APBA1: variants seen among roughly 807,000 people sequenced by gnomAD.
APBA1 encodes the protein amyloid beta precursor protein binding family A member 1.
A neutral mutation model predicts 86.6 loss-of-function variants in APBA1; 55 were observed. The observed-to-expected ratio is 0.64, with a 90% CI of 0.51 to 0.80. The LOEUF (loss-of-function observed/expected upper bound fraction) is 0.80, where lower values mean the gene tolerates loss of function less well. Ranked by LOEUF, APBA1 falls within the 30% of genes least tolerant of loss-of-function variation. APBA1 has a pLI of 0.00. For missense variants in APBA1, 1,090 were observed against 1,183.0 expected (o/e 0.92, Z 1.15); for synonymous variants, 511 against 493.9 (o/e 1.03, Z -0.46).
intron 11 of APBA1, among the ~76,000 whole-genome samples, chr9:69,440,013 C>A (rs2133792072): frequency 1.3e-5 from 2 of 152,322 alleles, no homozygotes; most frequent in South Asian, 4.1e-4. Context: ...TCAGGACCCT[C>A]AGCTGCAGGT....
At position 69,431,373 on chromosome 9, in the gene APBA1, G is replaced by A. The variant is rs1476460860; in HGVS notation, c.2468C>T (p.Ala823Val). The part of the protein sequence containing the change: ...GEIHMKTMPA[A>V]MYRLLTAQEQ... ...CTGGGCCGTCAGCAGCCTGTACATCGCGGCTGGCATTGTCTTCATATGAAT... is the reference window on the plus strand; with the variant it reads ...CTGGGCCGTCAGCAGCCTGTACATCACGGCTGGCATTGTCTTCATATGAAT... Residue 823 changes from alanine (A) to valine (V), a missense_variant, in exon 13 of 13, where the codon GCG becomes GTG. Ala to Val is a moderately conservative substitution (Grantham distance 64, BLOSUM62 0). Coordinates refer to ENST00000265381, the MANE Select transcript of APBA1 (RefSeq NM_001163.4). 10 of 1,613,214 alleles carry A rather than the reference G, an allele frequency of 6.2e-6. No individual in the cohort carries two copies. Among genetic ancestry groups the A allele is most frequent in the South Asian group, 2.2e-5 (2 of 90,938 alleles).
At chr9:69,664,475 A>T (rs1439577438) in intron 1 of APBA1, among the ~76,000 whole-genome samples, 2 of 152,378 alleles carry the variant, frequency 1.3e-5, no homozygotes. Context: ...AAAAAGTTAG[A>T]TAGAAATGAA....
rs1379473279 is a variant in APBA1, at chr9:69,431,031, A to AC, written c.*295dup. 4 of 305,778 alleles carry AC rather than the reference A, an allele frequency of 1.3e-5. No individual in the cohort carries two copies. Among genetic ancestry groups the AC allele is most frequent in the Admixed American group, 1.1e-4 (2 of 18,664 alleles). 18.9% of individuals were successfully genotyped at this position (305,778 alleles called of 1,614,324 possible). A position where few individuals can be genotyped will look rare whatever the true frequency, so the allele number is the denominator to read the frequency against. On this transcript the variant is annotated 3_prime_UTR_variant, in exon 13 of 13. Transcript: ENST00000265381. ...ATTCTCCCTCAAGCAGTGACAGCCC[A>AC]CCCCCTGGACACACCCAGAAAGCCC...
chr9:69,495,236 G>A (rs774610020), intron 2 of APBA1, among the ~76,000 whole-genome samples: 2 of 152,010 alleles, frequency 1.3e-5, no homozygotes, highest in African/African-American at 2.4e-5. Context: ...AACTCCTACC[G>A]TCAAGGGAAA....
At chr9:69,525,737 G>A (rs557953269) in intron 1 of APBA1, among the ~76,000 whole-genome samples, 2 of 152,090 alleles carry the variant, frequency 1.3e-5, no homozygotes, top group Admixed American at 6.6e-5. Context: ...AAATTTATAC[G>A]GAACCACAAA....
intron 8 of APBA1, among the ~76,000 whole-genome samples, chr9:69,454,723 A>G (rs1022643046): frequency 1.3e-5 from 2 of 151,994 alleles, no homozygotes; most frequent in Non-Finnish European, 2.9e-5. Context: ...ACCCCTCCCT[A>G]TGAGCTCCAG....
intron 4 of APBA1, among the ~76,000 whole-genome samples, chr9:69,468,468 T>G (rs1290773394): frequency 1.3e-5 from 2 of 152,208 alleles, no homozygotes; most frequent in East Asian, 3.9e-4. Context: ...TAATCCATAA[T>G]GGAAGAAACA....
rs1302202260 is a variant in APBA1, at chr9:69,449,272, G to A, written c.2181+312C>T. Among the ~76,000 whole-genome samples the A allele has an allele frequency of 3.3e-5, 5 of 152,208 alleles. No individual in the cohort carries two copies. The East Asian group carries it at 7.7e-4, about 23-fold the overall frequency. On this transcript the variant is annotated intron_variant, in intron 10 of 12. Coordinates refer to ENST00000265381, the MANE Select transcript of APBA1 (RefSeq NM_001163.4). ...TTCCCAAGCTGAGGCCATTTCTGTT[G>A]AGGCTGAGTCTGGGCTTAGTGGGAG...
In APBA1 at chr9:69,431,492, C is replaced by G. The variant is rs925152701; in HGVS notation, c.2443-94G>C. Reference sequence around the variant, plus strand: ...GCTGGCCAGAGAGGCAGTGCCTCTCCCACAGAGGGCTTTGAAGATACTCCC... The same window carrying G: ...GCTGGCCAGAGAGGCAGTGCCTCTCGCACAGAGGGCTTTGAAGATACTCCC... On this transcript the variant is annotated intron_variant, in intron 12 of 12. Coordinates refer to ENST00000265381, the MANE Select transcript of APBA1 (RefSeq NM_001163.4). 25 of 1,068,998 alleles carry G rather than the reference C, an allele frequency of 2.3e-5. No homozygotes were observed. In the African/African-American group the frequency reaches 3.5e-4, roughly 15 times the overall value. The allele number at this position is 1,068,998 out of a possible 1,614,324, so 66.2% of individuals were successfully genotyped here.
At chr9:69,483,602 G>T (rs1835558927) in intron 2 of APBA1, among the ~76,000 whole-genome samples, 1 of 151,928 alleles carries the variant, frequency 6.6e-6, no homozygotes, top group Admixed American at 6.6e-5. Flanking sequence ...TGAACAGAAA[G>T]ATAATGCAGT....
intron 1 of APBA1, among the ~76,000 whole-genome samples, chr9:69,613,342 T>C (rs192164183): frequency 7.9e-5 from 12 of 152,330 alleles, no homozygotes; most frequent in Non-Finnish European, 1.5e-4. Flanking sequence ...ATAGTTTCTA[T>C]TCCTGCCACA....
At position 69,658,310 on chromosome 9, in the gene APBA1, CTTTCTT is replaced by C. The variant is rs1225548722; in HGVS notation, c.-70+13837_-70+13842del. ...TCTCTCTCTTTCTCTCTCTCTCTTTCTTTCTTTCTTTCTTTCTTTCTTTCTTTCTTT... is the reference window on the plus strand; with the variant it reads ...TCTCTCTCTTTCTCTCTCTCTCTTTCTCTTTCTTTCTTTCTTTCTTTCTTT... On this transcript the variant is annotated intron_variant, in intron 1 of 12. Coordinates refer to ENST00000265381, the MANE Select transcript of APBA1 (RefSeq NM_001163.4). 6.8e-3 allele frequency among the ~76,000 whole-genome samples: 416 copies of C among 61,578 alleles called. 2 individuals carry two copies. The highest frequency in any genetic ancestry group is 0.018 in the African/African-American group (367 of 20,698). 40.4% of individuals were successfully genotyped at this position (61,578 alleles called of 152,430 possible).
chr9:69,536,740 C>T (rs1416862332), intron 1 of APBA1, among the ~76,000 whole-genome samples: 2 of 146,592 alleles, frequency 1.4e-5, no homozygotes, highest in African/African-American at 2.5e-5. Context: ...ATTAGACAGG[C>T]GTGTTCGCAC....
chr9:69,602,614 C>G (rs1212021758), intron 1 of APBA1, among the ~76,000 whole-genome samples: 1 of 151,834 alleles, frequency 6.6e-6, no homozygotes, highest in East Asian at 1.9e-4. Flanking sequence ...AATCACAGAC[C>G]TATTAGCAGT....
chr9:69,574,134 A>C (rs1254974839), intron 1 of APBA1, among the ~76,000 whole-genome samples: 6 of 152,224 alleles, frequency 3.9e-5, no homozygotes, highest in Admixed American at 2.6e-4. Flanking sequence ...AGATATATTT[A>C]AGACAGACAG....
chr9:69,485,558 T>C (rs760722728), intron 2 of APBA1, among the ~76,000 whole-genome samples: 2 of 100,818 alleles, frequency 2.0e-5, no homozygotes, highest in Non-Finnish European at 4.2e-5. Context: ...GGCTACTGGA[T>C]GGATATCCAA....
intron 2 of APBA1, among the ~76,000 whole-genome samples, chr9:69,496,175 G>A (rs1358359932): frequency 6.6e-6 from 1 of 152,110 alleles, no homozygotes; most frequent in African/African-American, 2.4e-5. Flanking sequence ...CTGAAGGCAG[G>A]AGGCAGACAG....
At position 69,603,542 on chromosome 9, in the gene APBA1, C is replaced by T. The variant is rs78246953; in HGVS notation, c.-70+68611G>A. On this transcript the variant is annotated intron_variant, in intron 1 of 12. Transcript: ENST00000265381. ...GCTATAATCCCTAAGAGAGATAGTA[C>T]AAAAAGTACATGGATATTGCCATAT... 4.2e-3 allele frequency among the ~76,000 whole-genome samples: 633 copies of T among 152,250 alleles called. 3 individuals are homozygous for T. Among genetic ancestry groups the T allele is most frequent in the Non-Finnish European group, 7.7e-3 (522 of 68,020 alleles).
chr9:69,556,591 A>G (rs913772653), intron 1 of APBA1, among the ~76,000 whole-genome samples: 1 of 152,202 alleles, frequency 6.6e-6, no homozygotes. Flanking sequence ...CCTCTGCATT[A>G]TTTATTCCTT....
Sources: gnomAD v4.1 joint callset for allele counts (sites outside exome capture counted in the v4.1 genomes callset) on GRCh38, gnomAD v4.1.1 for gene constraint, MANE v1.5 for transcripts, NCBI Gene and HGNC (gene_info 2026-07-23, HGNC 2026-07-21) for gene names.